WDR27: variants seen among roughly 807,000 people sequenced by gnomAD.
WDR27 encodes WD repeat-containing protein 27.
Under a neutral mutation model 114.4 loss-of-function variants are expected in WDR27, and 100 were observed. The ratio of observed to expected loss-of-function variants is 0.87; its 90% CI spans 0.74 to 1.03. The LOEUF is 1.03. Ranked by LOEUF, WDR27 falls within the 50% of genes least tolerant of loss-of-function variation. The pLI, the probability that WDR27 is intolerant of heterozygous loss-of-function variation, is 0.00. For synonymous variants in WDR27, 449 were observed against 423.1 expected (o/e 1.06, Z -0.75); for missense variants, 1,129 against 1,092.9 (o/e 1.03, Z -0.47).
At chr6:169,615,439 C>T (rs888979797) in intron 21 of WDR27, among the ~76,000 whole-genome samples, 6 of 152,090 alleles carry the variant, frequency 3.9e-5, no homozygotes, top group African/African-American at 1.4e-4. Flanking sequence ...CATGAGTTCT[C>T]ATCATGTAGC....
chr6:169,598,030 T>C (rs1044964508), intron 23 of WDR27, among the ~76,000 whole-genome samples: 1 of 152,152 alleles, frequency 6.6e-6, no homozygotes, highest in Non-Finnish European at 1.5e-5. Flanking sequence ...AGCTGCCCCT[T>C]TGCATCTCAT....
rs563755968 is a variant in WDR27 at position 169,513,265 on chromosome 6, G to C, written c.2646-55631C>G. Among the ~76,000 whole-genome samples the C allele has an allele frequency of 2.0e-5, 3 of 152,228 alleles. No homozygotes were observed. In the East Asian group the frequency reaches 5.8e-4, roughly 29 times the overall value. On this transcript the variant is annotated intron_variant, in intron 25 of 25. Coordinates refer to ENST00000448612, the MANE Select transcript of WDR27 (RefSeq NM_182552.5). ...TGCAGCTCAGTTTCCAAGAGAGAAT[G>C]TTCTGGCAAACAAAGTATTACTAGA...
chr6:169,481,604 A>C (rs1000554977), intron 25 of WDR27, among the ~76,000 whole-genome samples: 1 of 152,214 alleles, frequency 6.6e-6, no homozygotes, highest in African/African-American at 2.4e-5. Context: ...CCATGAACCA[A>C]CTAGAAGGAA....
At chr6:169,475,364 A>G (rs1275315388) in intron 25 of WDR27, among the ~76,000 whole-genome samples, 3 of 152,164 alleles carry the variant, frequency 2.0e-5, no homozygotes, top group African/African-American at 4.8e-5. Context: ...TGGGGATTAC[A>G]GGCACCTCCC....
At chr6:169,617,896 C>T (rs1310030533) in intron 21 of WDR27, among the ~76,000 whole-genome samples, 1 of 152,176 alleles carries the variant, frequency 6.6e-6, no homozygotes, top group East Asian at 1.9e-4. Context: ...TTACAGCCTG[C>T]TCTTCGTTAG....
At chr6:169,465,526 A>T (rs1785469131) in intron 25 of WDR27, among the ~76,000 whole-genome samples, 1 of 152,228 alleles carries the variant, frequency 6.6e-6, no homozygotes, top group Non-Finnish European at 1.5e-5. Flanking sequence ...CATATTATCC[A>T]GCAATTTCAC....
chr6:169,466,973 G>C (rs1198598453), intron 25 of WDR27, among the ~76,000 whole-genome samples: 1 of 152,178 alleles, frequency 6.6e-6, no homozygotes, highest in Non-Finnish European at 1.5e-5. Context: ...TGGGAGTATA[G>C]ACATTGGGTA....
chr6:169,501,233 C>A (rs758395446), intron 25 of WDR27, among the ~76,000 whole-genome samples: 1 of 152,204 alleles, frequency 6.6e-6, no homozygotes, highest in Non-Finnish European at 1.5e-5. Flanking sequence ...GATCCACCTG[C>A]GGATTGAAGC....
At chr6:169,460,020 A>C (rs1206893500) in intron 25 of WDR27, among the ~76,000 whole-genome samples, 1 of 152,212 alleles carries the variant, frequency 6.6e-6, no homozygotes, top group Non-Finnish European at 1.5e-5. Flanking sequence ...GTATGAAAAA[A>C]TAAAGACCTT....
rs201925852 is a variant in WDR27 at position 169,659,461 on chromosome 6, G to T, written c.1187C>A (p.Ala396Glu). The change falls in exon 11 of 26, where the codon GCG becomes GAG. Residue 396 changes from alanine (A) to glutamate (E), a missense_variant. Coordinates refer to ENST00000448612, the MANE Select transcript of WDR27 (RefSeq NM_182552.5). The surrounding 1 kb of genome is among the most constrained non-coding windows in gnomAD (Gnocchi z 4.3). ...CGTCTCAGGACTGACCTTTTGATCC[G>T]CAGTGCGGTTCCTCAGGGCACACGA... Reference protein sequence around the residue: ...AGSCALRNRTADQKVLCLLAS... With the variant: ...AGSCALRNRTEDQKVLCLLAS... 8.7e-6 allele frequency: 14 copies of T among 1,608,444 alleles called. 1 individual carries two copies. The Admixed American group carries it at 1.9e-4, about 21-fold the overall frequency.
At chr6:169,537,134 C>A (rs974988891) in intron 25 of WDR27, among the ~76,000 whole-genome samples, 4 of 152,052 alleles carry the variant, frequency 2.6e-5, no homozygotes, top group African/African-American at 9.7e-5. Context: ...TCTTTTTCTT[C>A]AAGTGCCCCT....
At chr6:169,558,471 T>C (rs1799218771) in intron 25 of WDR27, 1 of 152,210 alleles carries the variant, frequency 6.6e-6, no homozygotes, top group Non-Finnish European at 1.5e-5. Context: ...GAGTCCTTGC[T>C]GCTGGATGTG....
At chr6:169,527,868 T>G (rs1008061614) in intron 25 of WDR27, among the ~76,000 whole-genome samples, 1 of 152,168 alleles carries the variant, frequency 6.6e-6, no homozygotes, top group Non-Finnish European at 1.5e-5. Flanking sequence ...ATATTTATTG[T>G]AAAGCTACAT....
chr6:169,621,757 CAT>C (rs1488072293), intron 21 of WDR27, among the ~76,000 whole-genome samples: 15 of 152,094 alleles, frequency 9.9e-5, no homozygotes, highest in African/African-American at 2.7e-4. Context: ...CACACGCACA[CAT>C]ATATACAGAC....
At chr6:169,468,947 A>G (rs1562455765) in intron 25 of WDR27, among the ~76,000 whole-genome samples, 1 of 152,084 alleles carries the variant, frequency 6.6e-6, no homozygotes, top group Non-Finnish European at 1.5e-5. Context: ...GGAGAGAAAC[A>G]TCTCTCTTTC....
At chr6:169,639,524 G>A (rs1406247108) in intron 17 of WDR27, among the ~76,000 whole-genome samples, 1 of 151,860 alleles carries the variant, frequency 6.6e-6, no homozygotes, top group African/African-American at 2.4e-5. Flanking sequence ...CATTTGTTGT[G>A]ACAGATTTGA....
chr6:169,688,503 A>G (rs1783642922), intron 2 of WDR27, among the ~76,000 whole-genome samples: 1 of 152,122 alleles, frequency 6.6e-6, no homozygotes, highest in African/African-American at 2.4e-5. Context: ...TTCACCGAAA[A>G]AGTGAGAAAC....
intron 25 of WDR27, among the ~76,000 whole-genome samples, chr6:169,532,160 T>C (rs1401524323): frequency 2.0e-5 from 3 of 152,300 alleles, no homozygotes; most frequent in Middle Eastern, 3.4e-3. Context: ...TGAAGACATA[T>C]AACCTTCAAT....
At chr6:169,481,425 C>T (rs1054144148) in intron 25 of WDR27, among the ~76,000 whole-genome samples, 2 of 152,196 alleles carry the variant, frequency 1.3e-5, no homozygotes, top group African/African-American at 2.4e-5. Context: ...GCAGGCTGCC[C>T]AAGCCAACAG....
Sources: allele counts gnomAD v4.1 joint callset (sites outside exome capture counted in the v4.1 genomes callset), GRCh38; gene constraint gnomAD v4.1.1; non-coding constraint Gnocchi (gnomAD v3.1); transcripts MANE v1.5; gene names NCBI Gene and HGNC (gene_info 2026-07-23, HGNC 2026-07-21).